The following CNTN4 variants were observed in gnomAD, a reference collection of about 807,000 sequenced individuals.
CNTN4 encodes the protein contactin-4.
In CNTN4, 77 loss-of-function variants were observed where a neutral mutation model predicts 122.5. The observed-to-expected ratio is 0.63, with a 90% CI of 0.52 to 0.76. The LOEUF is 0.76. CNTN4 is among the 30% of genes least tolerant of loss of function. The pLI is 0.00. For missense variants in CNTN4, 1,256 were observed against 1,259.1 expected (o/e 1.00, Z 0.04); for synonymous variants, 512 against 447.0 (o/e 1.15, Z -1.83).
chr3:2,537,564 T>C (rs2149274310), intron 3 of CNTN4, among the ~76,000 whole-genome samples: 1 of 152,222 alleles, frequency 6.6e-6, no homozygotes, highest in African/African-American at 2.4e-5. Flanking sequence ...CTGTTCACAT[T>C]ATTTGTCATA....
intron 2 of CNTN4, among the ~76,000 whole-genome samples, chr3:2,238,551 A>G (rs9873966): frequency 0.23 from 34,096 of 151,308 alleles, 4,106 homozygotes; most frequent in South Asian, 0.38. Context: ...ACAATCTTCA[A>G]TGTATTTAAT....
chr3:2,220,237 C>G (rs922000261), intron 2 of CNTN4, among the ~76,000 whole-genome samples: 3 of 152,266 alleles, frequency 2.0e-5, no homozygotes, highest in East Asian at 3.9e-4. Flanking sequence ...GAATTACACT[C>G]TCCCTTCAGT....
In CNTN4 at chr3:2,627,789, G is replaced by A. The variant is rs531610718; in HGVS notation, c.55+56231G>A. On this transcript the variant is annotated intron_variant, in intron 4 of 24. Coordinates refer to ENST00000418658, the MANE Select transcript of CNTN4 (RefSeq NM_175607.3). Reference sequence around the variant, plus strand: ...ATTACAGGCGTGAGCCACCGTGCCTGGCCAACTGTCATTTTTCCCCACAAA... The same window carrying A: ...ATTACAGGCGTGAGCCACCGTGCCTAGCCAACTGTCATTTTTCCCCACAAA... 4.3e-4 allele frequency among the ~76,000 whole-genome samples: 65 copies of A among 152,184 alleles called. 2 individuals are homozygous for A. The South Asian group carries it at 0.012, about 28-fold the overall frequency.
chr3:2,797,330 G>A (rs1576828831), intron 6 of CNTN4, among the ~76,000 whole-genome samples: 1 of 152,164 alleles, frequency 6.6e-6, no homozygotes, highest in Non-Finnish European at 1.5e-5. Context: ...TGGGAATGGT[G>A]GCTTACGCCT....
chr3:2,704,406 A>C (rs929093215), intron 4 of CNTN4, among the ~76,000 whole-genome samples: 1 of 152,042 alleles, frequency 6.6e-6, no homozygotes, highest in Non-Finnish European at 1.5e-5. Flanking sequence ...GATACTAGAA[A>C]TTGAAAGTAC....
chr3:2,195,427 G>A (rs908649480), intron 2 of CNTN4, among the ~76,000 whole-genome samples: 1 of 152,126 alleles, frequency 6.6e-6, no homozygotes, highest in Non-Finnish European at 1.5e-5. Context: ...AGTTCCTTTG[G>A]ATATATAACC....
intron 3 of CNTN4, among the ~76,000 whole-genome samples, chr3:2,557,319 A>G (rs922039132): frequency 2.0e-5 from 3 of 152,244 alleles, no homozygotes; most frequent in African/African-American, 4.8e-5. Flanking sequence ...TAGATCTCAC[A>G]TCGCATTGCA....
chr3:2,469,736 A>T (rs1337461824), intron 3 of CNTN4, among the ~76,000 whole-genome samples: 1 of 152,166 alleles, frequency 6.6e-6, no homozygotes, highest in East Asian at 1.9e-4. Flanking sequence ...CTCTTGATCC[A>T]TTGTTTCATA....
intron 7 of CNTN4, among the ~76,000 whole-genome samples, chr3:2,861,221 G>A (rs1263860457): frequency 6.6e-6 from 1 of 152,162 alleles, no homozygotes; most frequent in Non-Finnish European, 1.5e-5. Flanking sequence ...CTCAATTCAT[G>A]TCTCTTGACA....
intron 2 of CNTN4, among the ~76,000 whole-genome samples, chr3:2,123,348 A>C (rs1338349260): frequency 6.6e-6 from 1 of 152,190 alleles, no homozygotes; most frequent in African/African-American, 2.4e-5. Flanking sequence ...CTTCCAGAGG[A>C]GTTTTTCCTT....
chr3:2,775,731 C>T (rs975471843), intron 6 of CNTN4, among the ~76,000 whole-genome samples: 1 of 152,122 alleles, frequency 6.6e-6, no homozygotes, highest in Non-Finnish European at 1.5e-5. Flanking sequence ...CATTTAATTT[C>T]TGTAATATAA....
intron 4 of CNTN4, among the ~76,000 whole-genome samples, chr3:2,621,093 T>A (rs150961523): frequency 6.6e-6 from 1 of 152,336 alleles, no homozygotes; most frequent in East Asian, 1.9e-4. Flanking sequence ...AAAGTTGACT[T>A]AGACAGGTCC....
chr3:2,451,919 C>CA (rs1559564278), intron 3 of CNTN4, among the ~76,000 whole-genome samples: 1 of 152,104 alleles, frequency 6.6e-6, no homozygotes, highest in Non-Finnish European at 1.5e-5. Context: ...AACAAGAACT[C>CA]AGGGCACACA....
chr3:2,995,406 C>G (rs1695444200), intron 14 of CNTN4, among the ~76,000 whole-genome samples: 1 of 152,188 alleles, frequency 6.6e-6, no homozygotes, highest in Non-Finnish European at 1.5e-5. Context: ...CCAAATCTCT[C>G]TGTAAAAACC....
intron 2 of CNTN4, among the ~76,000 whole-genome samples, chr3:2,174,997 C>G (rs1020254267): frequency 1.3e-5 from 2 of 152,066 alleles, no homozygotes; most frequent in South Asian, 2.1e-4. Flanking sequence ...CTGGAGTTTA[C>G]AATTCAACAT....
chr3:3,022,637 T>C (rs891588857), intron 14 of CNTN4, among the ~76,000 whole-genome samples: 1 of 152,242 alleles, frequency 6.6e-6, no homozygotes, highest in Non-Finnish European at 1.5e-5. Context: ...AATAATTAAC[T>C]CTTCCTCATG....
At chr3:2,170,594 T>G (rs539551188) in intron 2 of CNTN4, among the ~76,000 whole-genome samples, 1 of 152,306 alleles carries the variant, frequency 6.6e-6, no homozygotes, top group Admixed American at 6.5e-5. Flanking sequence ...CTTTACAGTT[T>G]TTCTGTTTTT....
intron 6 of CNTN4, among the ~76,000 whole-genome samples, chr3:2,747,522 A>G (rs980545609): frequency 1.3e-5 from 2 of 152,208 alleles, no homozygotes; most frequent in Admixed American, 1.3e-4. Context: ...CCTTTTGTAA[A>G]AGACCGGGCA....
chr3:2,215,131 A>G (rs537569817), intron 2 of CNTN4, among the ~76,000 whole-genome samples: 2 of 152,346 alleles, frequency 1.3e-5, no homozygotes, highest in Middle Eastern at 3.4e-3. Context: ...GATGTATTAA[A>G]TATTCCAAAG....
Sources: allele counts gnomAD v4.1 joint callset (sites outside exome capture counted in the v4.1 genomes callset), GRCh38; gene constraint gnomAD v4.1.1; transcripts MANE v1.5; gene names NCBI Gene and HGNC (gene_info 2026-07-23, HGNC 2026-07-21).